The following ADAMTSL1 variants were observed in gnomAD, a reference collection of about 807,000 sequenced individuals.
The protein encoded by ADAMTSL1 is ADAMTS-like protein 1.
ADAMTSL1 carries 126 observed loss-of-function variants against 201.8 expected under a neutral mutation model. The ratio of observed to expected loss-of-function variants is 0.62; its 90% CI spans 0.54 to 0.72. The LOEUF is 0.72. ADAMTSL1 is among the 30% of genes least tolerant of loss of function. The pLI, the probability that ADAMTSL1 is intolerant of heterozygous loss-of-function variation, is 0.00. For missense variants in ADAMTSL1, 2,679 were observed against 2,277.8 expected, an observed-to-expected ratio of 1.18 and a Z score of -3.59; for synonymous variants, 1,121 against 903.4, an observed-to-expected ratio of 1.24 and a Z score of -4.32.
In ADAMTSL1 at chr9:18,563,431, A is replaced by T. The variant is rs140340510; in HGVS notation, c.238-10599A>T. 5.6e-3 allele frequency among the ~76,000 whole-genome samples: 857 copies of T among 152,202 alleles called. 5 individuals are homozygous for T. Among genetic ancestry groups the T allele is most frequent in the Non-Finnish European group, 9.9e-3 (673 of 67,988 alleles). Reference sequence around the variant, plus strand: ...ACCAGATGCCAGCTGGAGCTCTCCTATATGAGGTGTCTGTTGACCCCTGCT... The same window carrying T: ...ACCAGATGCCAGCTGGAGCTCTCCTTTATGAGGTGTCTGTTGACCCCTGCT... On this transcript the variant is annotated intron_variant, in intron 3 of 28. Transcript: ENST00000380548.
intron 7 of ADAMTSL1, among the ~76,000 whole-genome samples, chr9:18,645,336 G>T (rs1827736406): frequency 6.6e-6 from 1 of 152,146 alleles, no homozygotes; most frequent in Non-Finnish European, 1.5e-5. Flanking sequence ...CGTTTTGTAG[G>T]TTGCCTGTTC....
chr9:18,045,055 C>T (rs535036878), intron 1 of ADAMTSL1, among the ~76,000 whole-genome samples: 1 of 152,258 alleles, frequency 6.6e-6, no homozygotes, highest in South Asian at 2.1e-4. Flanking sequence ...ACTGTAAACT[C>T]TGCCTTCTGT....
At chr9:18,352,468 T>C (rs1355776568) in intron 2 of ADAMTSL1, among the ~76,000 whole-genome samples, 1 of 152,222 alleles carries the variant, frequency 6.6e-6, no homozygotes, top group African/African-American at 2.4e-5. Flanking sequence ...TAGTGTCCTA[T>C]TCTAGGCCTT....
intron 2 of ADAMTSL1, among the ~76,000 whole-genome samples, chr9:18,303,202 T>C (rs1833771418): frequency 1.3e-5 from 2 of 152,068 alleles, no homozygotes; most frequent in African/African-American, 4.8e-5. Context: ...CCTCAAGGAG[T>C]GTTCATGTAC....
At chr9:18,661,871 G>A (rs1411719681) in intron 8 of ADAMTSL1, 64 bp from the exon 9 acceptor site, 29 of 1,522,368 alleles carry the variant, frequency 1.9e-5, no homozygotes, top group Admixed American at 4.2e-5. Flanking sequence ...TGGCCAAAAT[G>A]CATAAAGAAA....
At chr9:18,397,446 A>C (rs1156634156) in intron 2 of ADAMTSL1, among the ~76,000 whole-genome samples, 1 of 152,198 alleles carries the variant, frequency 6.6e-6, no homozygotes, top group Non-Finnish European at 1.5e-5. Flanking sequence ...AAGATGAAAA[A>C]TCTAATAATA....
chr9:18,724,104 G>A (rs1480123946), intron 15 of ADAMTSL1, among the ~76,000 whole-genome samples: 1 of 152,140 alleles, frequency 6.6e-6, no homozygotes, highest in Admixed American at 6.5e-5. Context: ...TGCTATGCAT[G>A]TGTTTAAAAA....
At chr9:18,723,301 C>A in intron 15 of ADAMTSL1, 1 of 572,172 alleles carries the variant, frequency 1.7e-6, no homozygotes, top group Non-Finnish European at 3.1e-6. Flanking sequence ...TGCTTATTTG[C>A]CATTATTTGA....
chr9:18,570,519 CAT>C (rs1399908017), intron 3 of ADAMTSL1, among the ~76,000 whole-genome samples: 1 of 152,148 alleles, frequency 6.6e-6, no homozygotes, highest in African/African-American at 2.4e-5. Context: ...AATTTTTAAA[CAT>C]GTGTATTTCA....
intron 2 of ADAMTSL1, among the ~76,000 whole-genome samples, chr9:18,231,600 G>A (rs1830647769): frequency 6.6e-6 from 1 of 152,092 alleles, no homozygotes; most frequent in African/African-American, 2.4e-5. Flanking sequence ...CAGTCTCATG[G>A]CTATATGTGA....
At chr9:18,599,617 A>G (rs1458653762) in intron 4 of ADAMTSL1, among the ~76,000 whole-genome samples, 2 of 152,070 alleles carry the variant, frequency 1.3e-5, no homozygotes, top group Non-Finnish European at 2.9e-5. Context: ...CTATAATTCA[A>G]AGTATCATTT....
At chr9:18,649,800 TG>T (rs942044217) in intron 7 of ADAMTSL1, among the ~76,000 whole-genome samples, 1 of 151,914 alleles carries the variant, frequency 6.6e-6, no homozygotes, top group African/African-American at 2.4e-5. Flanking sequence ...CTGCCCCTAC[TG>T]GGGGGTGCCT....
intron 2 of ADAMTSL1, among the ~76,000 whole-genome samples, chr9:18,282,787 C>A (rs993514734): frequency 3.9e-5 from 6 of 152,204 alleles, no homozygotes; most frequent in African/African-American, 1.4e-4. Context: ...ATCCCAGCTA[C>A]TGGGGAGGCT....
chr9:18,440,196 T>C (rs946433991), intron 2 of ADAMTSL1, among the ~76,000 whole-genome samples: 1 of 152,150 alleles, frequency 6.6e-6, no homozygotes, highest in Non-Finnish European at 1.5e-5. Context: ...TGGTACAATA[T>C]GCATTTCTGG....
At chr9:18,450,741 T>C (rs1244736955) in intron 2 of ADAMTSL1, among the ~76,000 whole-genome samples, 3 of 152,136 alleles carry the variant, frequency 2.0e-5, no homozygotes, top group African/African-American at 7.2e-5. Flanking sequence ...ACCTCTGAAG[T>C]GATTCATTAT....
chr9:18,186,832 AACACACAC>A (rs35993162), intron 2 of ADAMTSL1, among the ~76,000 whole-genome samples: 128 of 149,576 alleles, frequency 8.6e-4, no homozygotes, highest in South Asian at 1.7e-3. Flanking sequence ...ATCACTGTAC[AACACACAC>A]ACACACACAC....
At chr9:18,775,562 G>A (rs757382519) in intron 17 of ADAMTSL1, among the ~76,000 whole-genome samples, 181 bp from the exon 18 acceptor site, 5 of 152,162 alleles carry the variant, frequency 3.3e-5, no homozygotes, top group Non-Finnish European at 5.9e-5. Context: ...ATCTTAGAGT[G>A]CAAAATGTCT....
chr9:18,280,873 C>CT (rs138455491), intron 2 of ADAMTSL1, among the ~76,000 whole-genome samples: 75,812 of 131,756 alleles, frequency 0.58, 22,092 homozygotes, highest in South Asian at 0.74. Context: ...CTGCATTCCG[C>CT]TTTTTTTTTT....
intron 3 of ADAMTSL1, among the ~76,000 whole-genome samples, chr9:18,551,422 T>C (rs1587537556): frequency 1.3e-5 from 2 of 151,922 alleles, no homozygotes; most frequent in East Asian, 3.9e-4. Context: ...TGTTTCTTCT[T>C]TTCTAGTCTT....
Sources: gnomAD v4.1 joint callset for allele counts (sites outside exome capture counted in the v4.1 genomes callset) on GRCh38, gnomAD v4.1.1 for gene constraint, MANE v1.5 for transcripts, NCBI Gene and HGNC (gene_info 2026-07-23, HGNC 2026-07-21) for gene names.